The following ADGRB3 variants were observed in gnomAD, a reference collection of about 807,000 sequenced individuals.
The protein encoded by ADGRB3 is adhesion G protein-coupled receptor B3.
ADGRB3 carries 37 observed loss-of-function variants against 193.4 expected under a neutral mutation model. That is an observed-to-expected ratio of 0.19 (90% confidence interval 0.15 to 0.25). The LOEUF is 0.25. ADGRB3 is among the 10% of genes least tolerant of loss of function. The pLI is 1.00. For synonymous variants in ADGRB3, 690 were observed against 644.2 expected (o/e 1.07, Z -1.08); for missense variants, 1,637 against 1,852.9 (o/e 0.88, Z 2.14).
At chr6:68,889,484 TC>T in intron 3 of ADGRB3, among the ~76,000 whole-genome samples, 1 of 142,912 alleles carries the variant, frequency 7.0e-6, no homozygotes, top group South Asian at 2.2e-4. Context: ...AAATAAATAT[TC>T]CTTTTTTTTC....
At chr6:69,290,866 A>T (rs1033150860) in intron 20 of ADGRB3, among the ~76,000 whole-genome samples, 1 of 152,114 alleles carries the variant, frequency 6.6e-6, no homozygotes, top group East Asian at 1.9e-4. Context: ...CATAAGGTCA[A>T]CCTTTACTCA....
At chr6:69,104,671 A>G (rs1036835878) in intron 17 of ADGRB3, among the ~76,000 whole-genome samples, 1 of 152,262 alleles carries the variant, frequency 6.6e-6, no homozygotes, top group East Asian at 1.9e-4. Context: ...TTTTGTGGTA[A>G]GAAAACAAAG....
At chr6:68,696,654 T>A (rs1765164751) in intron 3 of ADGRB3, among the ~76,000 whole-genome samples, 1 of 151,940 alleles carries the variant, frequency 6.6e-6, no homozygotes, top group African/African-American at 2.4e-5. Context: ...TAATTTTTTC[T>A]AATGATTACC....
Position 69,048,315 on chromosome 6 carries a change from C to G in ADGRB3, c.2238C>G (p.Phe746Leu). Residue 746 changes from phenylalanine to leucine, a missense_variant, in exon 14 of 32, where the codon TTC becomes TTG. By Grantham distance (22) the Phe-to-Leu change is conservative. This residue lies in a region of ADGRB3 where 641 missense variants were observed against 673.9 expected (regional missense o/e 0.95). Coordinates refer to ENST00000370598, the MANE Select transcript of ADGRB3 (RefSeq NM_001704.3). ...GGGTAGTAATTCCAAAAAGCATTTT[C>G]ACTCCGGTGTCATCAAAAGGTAAAT... is the stretch of plus-strand genomic sequence containing the variant. ...EDRVVIPKSI[F>L]TPVSSKELDE... The G allele has an allele frequency of 6.2e-7, 1 of 1,613,430 alleles. No individual in the cohort carries two copies. The highest frequency in any genetic ancestry group is 8.5e-7 in the Non-Finnish European group (1 of 1,179,630).
intron 20 of ADGRB3, among the ~76,000 whole-genome samples, chr6:69,322,460 A>G (rs1249325447): frequency 1.3e-5 from 2 of 152,008 alleles, no homozygotes; most frequent in African/African-American, 4.8e-5. Flanking sequence ...ACCATTTACA[A>G]TTCCACCAAC....
intron 17 of ADGRB3, among the ~76,000 whole-genome samples, chr6:69,134,116 T>C (rs1296032883): frequency 6.6e-6 from 1 of 152,106 alleles, no homozygotes; most frequent in Non-Finnish European, 1.5e-5. Flanking sequence ...TTTCATACTT[T>C]TGCAATTGTG....
Position 68,661,561 on chromosome 6 carries a change from A to G in ADGRB3, c.757+22129A>G, listed in dbSNP as rs1294148659. Among the ~76,000 whole-genome samples the G allele has an allele frequency of 4.8e-4, 46 of 95,900 alleles. 2 individuals are homozygous for G. Among genetic ancestry groups the G allele is most frequent in the Middle Eastern group, 0.011 (2 of 180 alleles). The allele number at this position is 95,900 out of a possible 152,430, so 62.9% of individuals were successfully genotyped here. On this transcript the variant is annotated intron_variant, in intron 3 of 31. Transcript: ENST00000370598. The stretch of plus-strand genomic sequence containing the variant: ...TACATATATATATATATATATATAT[A>G]TATATATATAGTTATGACCTATGGC...
intron 3 of ADGRB3, among the ~76,000 whole-genome samples, chr6:68,664,567 T>C (rs989022400): frequency 1.1e-4 from 17 of 151,834 alleles, no homozygotes; most frequent in African/African-American, 3.1e-4. Context: ...GACTTCTGGC[T>C]CCCAGAACTA....
At chr6:69,070,744 T>G (rs1333096699) in intron 16 of ADGRB3, among the ~76,000 whole-genome samples, 1 of 152,206 alleles carries the variant, frequency 6.6e-6, no homozygotes, top group Admixed American at 6.5e-5. Flanking sequence ...CAGTTTATTC[T>G]GAAGTAGGTC....
chr6:68,783,673 G>A (rs1766904088), intron 3 of ADGRB3, among the ~76,000 whole-genome samples: 1 of 151,832 alleles, frequency 6.6e-6, no homozygotes, highest in Non-Finnish European at 1.5e-5. Flanking sequence ...CAATCAGAAG[G>A]CACATCATAG....
At chr6:68,756,410 AG>A (rs1279864422) in intron 3 of ADGRB3, among the ~76,000 whole-genome samples, 4 of 152,290 alleles carry the variant, frequency 2.6e-5, no homozygotes, top group African/African-American at 7.2e-5. Flanking sequence ...TTTGAATCCA[AG>A]GGGGAACTGT....
intron 10 of ADGRB3, among the ~76,000 whole-genome samples, chr6:68,980,845 G>T (rs1386006945): frequency 6.6e-6 from 1 of 151,232 alleles, no homozygotes; most frequent in African/African-American, 2.4e-5. Context: ...GGAAAAGCAG[G>T]GAGCACCTAA....
chr6:69,162,898 C>T (rs1380978844), intron 17 of ADGRB3, among the ~76,000 whole-genome samples: 1 of 152,132 alleles, frequency 6.6e-6, no homozygotes, highest in East Asian at 1.9e-4. Flanking sequence ...AGAAAGGCAG[C>T]CTGCTTGACC....
intron 3 of ADGRB3, among the ~76,000 whole-genome samples, chr6:68,655,407 G>T (rs1439911493): frequency 6.6e-6 from 1 of 151,612 alleles, no homozygotes; most frequent in African/African-American, 2.4e-5. Context: ...ATAATGTTTG[G>T]ACTGTGTAGT....
intron 11 of ADGRB3, among the ~76,000 whole-genome samples, chr6:69,005,660 C>T (rs1456763716): frequency 6.6e-6 from 1 of 152,132 alleles, no homozygotes; most frequent in Non-Finnish European, 1.5e-5. Flanking sequence ...TTCTCACATT[C>T]CTTTTGGTCT....
In ADGRB3 at chr6:68,974,841, A is replaced by G. The variant is rs1213488290; in HGVS notation, c.1604A>G (p.Asn535Ser). ...KRTPAGDLAF[N>S]QCPLNATGTT... ...ACTCCAGCAGGCGACTTGGCATTCAATCAATGTCCCCTGAATGCCACAGGT... is the reference window on the plus strand; with the variant it reads ...ACTCCAGCAGGCGACTTGGCATTCAGTCAATGTCCCCTGAATGCCACAGGT... Residue 535 changes from asparagine to serine, a missense_variant, in exon 9 of 32, where the codon AAT becomes AGT. Transcript: ENST00000370598. The G allele has an allele frequency of 1.2e-6, 2 of 1,613,790 alleles. No homozygotes were observed. The highest frequency in any genetic ancestry group is 1.3e-5 in the African/African-American group (1 of 74,886).
chr6:69,066,979 C>A (rs1161433045), intron 16 of ADGRB3, among the ~76,000 whole-genome samples: 1 of 152,074 alleles, frequency 6.6e-6, no homozygotes, highest in Non-Finnish European at 1.5e-5. Context: ...TGAATAACAT[C>A]TTTATCTTTA....
Position 68,685,630 on chromosome 6 carries a change from A to G in ADGRB3, c.757+46198A>G, listed in dbSNP as rs531718164. Among the ~76,000 whole-genome samples the G allele has an allele frequency of 5.9e-4, 89 of 152,080 alleles. 1 individual carries two copies. Among genetic ancestry groups the G allele is most frequent in the Admixed American group, 2.0e-3 (31 of 15,270 alleles). On this transcript the variant is annotated intron_variant, in intron 3 of 31. Transcript: ENST00000370598. Reference sequence around the variant, plus strand: ...GAAAGGGAATTAAAAAAATAAAAATATACTTTGGGAGGCCGAGGCAGGTAG... The same window carrying G: ...GAAAGGGAATTAAAAAAATAAAAATGTACTTTGGGAGGCCGAGGCAGGTAG...
At chr6:68,990,213 C>CA (rs147850808) in intron 10 of ADGRB3, among the ~76,000 whole-genome samples, 5,702 of 150,924 alleles carry the variant, frequency 0.038, 298 homozygotes, top group African/African-American at 0.12. Context: ...AGACATAAGG[C>CA]AAAAAAAAGA....
Sources: gnomAD v4.1 joint callset for allele counts (sites outside exome capture counted in the v4.1 genomes callset) on GRCh38, gnomAD v4.1.1 for gene constraint, gnomAD v4.1.1 regional missense constraint, MANE v1.5 for transcripts, NCBI Gene and HGNC (gene_info 2026-07-23, HGNC 2026-07-21) for gene names.